MRAP2: variants seen among roughly 807,000 people sequenced by gnomAD.
MRAP2 encodes melanocortin-2 receptor accessory protein 2.
A neutral mutation model predicts 17.4 loss-of-function variants in MRAP2; 20 were observed. That is an observed-to-expected ratio of 1.15 (90% CI 0.81 to 1.67). The LOEUF is 1.67. Ranked by LOEUF, MRAP2 falls within the 40% of genes most tolerant of loss-of-function variation. The probability of loss-of-function intolerance (pLI) is 0.00; values close to 1 mark genes in which losing one functional copy is unlikely to be tolerated. For missense variants in MRAP2, 238 were observed against 240.0 expected (o/e 0.99, Z 0.05); for synonymous variants, 96 against 88.4 (o/e 1.09, Z -0.48).
In MRAP2 at chr6:84,062,809, AG is replaced by A. The variant is rs946574173; in HGVS notation, c.128-83del. ...CTTCCTTTCATGTTTCATGTACCAA[AG>A]CCTCTCCAAAAAGCTCTGATTCTTG... On this transcript the variant is annotated intron_variant, in intron 2 of 3. Transcript: ENST00000257776. 8.8e-6 allele frequency: 14 copies of A among 1,589,828 alleles called. No homozygotes were observed. The Admixed American group carries it at 2.3e-4, about 26-fold the overall frequency.
At chr6:84,111,631 C>T in the MRAP2 span, among the ~76,000 whole-genome samples, 1 of 152,168 alleles carries the variant, frequency 6.6e-6, no homozygotes, top group Non-Finnish European at 1.5e-5. Context: ...CCCAAACTTC[C>T]AATACTGTGT....
the MRAP2 span, among the ~76,000 whole-genome samples, chr6:84,104,453 T>C: frequency 1.3e-5 from 2 of 152,236 alleles, no homozygotes; most frequent in African/African-American, 2.4e-5. Context: ...GAAAATGGGA[T>C]TTTCTTTTCT....
the MRAP2 span, among the ~76,000 whole-genome samples, chr6:84,130,592 G>GT: frequency 6.6e-6 from 1 of 152,160 alleles, no homozygotes; most frequent in East Asian, 1.9e-4. Context: ...TTGGGAGGGT[G>GT]TATGTGTCCA....
the MRAP2 span, among the ~76,000 whole-genome samples, chr6:84,098,651 G>A: frequency 6.6e-6 from 1 of 152,022 alleles, no homozygotes; most frequent in South Asian, 2.1e-4. Context: ...CTTTTAAATT[G>A]TATTCATTCT....
chr6:84,114,767 G>T, the MRAP2 span, among the ~76,000 whole-genome samples: 1 of 152,132 alleles, frequency 6.6e-6, no homozygotes, highest in Non-Finnish European at 1.5e-5. Flanking sequence ...CTGCATGGAC[G>T]TCCTTTCTGT....
the MRAP2 span, among the ~76,000 whole-genome samples, chr6:84,114,468 AAC>A: frequency 1.3e-5 from 2 of 151,962 alleles, no homozygotes; most frequent in African/African-American, 4.8e-5. Context: ...TCTAGTTAGG[AAC>A]TCCTCTAACC....
At chr6:84,033,740 C>T, upstream of MRAP2, 2 of 985,478 alleles carry the variant, frequency 2.0e-6, no homozygotes, top group Non-Finnish European at 2.4e-6. Context: ...GTCGGGAGCG[C>T]GCGTCTCCGC....
At chr6:84,071,867 T>C (rs2099496276) in intron 3 of MRAP2, among the ~76,000 whole-genome samples, 1 of 152,174 alleles carries the variant, frequency 6.6e-6, no homozygotes, top group Admixed American at 6.5e-5. Flanking sequence ...TTCAATTCTA[T>C]TGCTCAGACT....
At chr6:84,138,759 C>T in the MRAP2 span, among the ~76,000 whole-genome samples, 1 of 152,194 alleles carries the variant, frequency 6.6e-6, no homozygotes, top group South Asian at 2.1e-4. Context: ...ATCTTGCAAA[C>T]AGGTACATAT....
intron 2 of MRAP2, among the ~76,000 whole-genome samples, chr6:84,060,381 C>A (rs2099492792): frequency 6.6e-6 from 1 of 152,152 alleles, no homozygotes; most frequent in Non-Finnish European, 1.5e-5. Flanking sequence ...GCACGCTTTC[C>A]TCCACCTCTG....
intron 2 of MRAP2, chr6:84,061,841 T>G: frequency 5.1e-6 from 5 of 985,442 alleles, no homozygotes; most frequent in Non-Finnish European, 6.0e-6. Flanking sequence ...AGACATTGTA[T>G]AAAGTGCTTT....
intron 1 of MRAP2, among the ~76,000 whole-genome samples, chr6:84,055,052 A>G (rs974429219): frequency 6.6e-6 from 1 of 152,146 alleles, no homozygotes; most frequent in Non-Finnish European, 1.5e-5. Context: ...GTTATGTGCC[A>G]GGCATTGGGT....
At chr6:84,079,704 T>C (rs1588656449) in intron 3 of MRAP2, among the ~76,000 whole-genome samples, 1 of 152,188 alleles carries the variant, frequency 6.6e-6, no homozygotes, top group East Asian at 1.9e-4. Flanking sequence ...GGAATACTCA[T>C]GTCATAGTAA....
downstream of MRAP2, among the ~76,000 whole-genome samples, chr6:84,093,606 T>G (rs570162511): frequency 2.0e-5 from 3 of 151,154 alleles, no homozygotes; most frequent in East Asian, 5.8e-4. Flanking sequence ...TCCCTGAGGG[T>G]AGTATGTGAG....
the MRAP2 span, among the ~76,000 whole-genome samples, chr6:84,123,234 C>A: frequency 7.1e-6 from 1 of 139,970 alleles, no homozygotes; most frequent in Non-Finnish European, 1.5e-5. Flanking sequence ...TCCTAAAATT[C>A]ATATTGAACG....
the MRAP2 span, among the ~76,000 whole-genome samples, chr6:84,135,861 C>CA: frequency 2.0e-5 from 3 of 152,166 alleles, no homozygotes; most frequent in South Asian, 4.2e-4. Context: ...AAGACTGTCT[C>CA]AAAAAAACAA....
the MRAP2 span, among the ~76,000 whole-genome samples, chr6:84,119,494 TAGG>T: frequency 6.6e-6 from 1 of 152,216 alleles, no homozygotes; most frequent in Non-Finnish European, 1.5e-5. Flanking sequence ...CTTGTGCCTC[TAGG>T]AGATCAGATT....
At chr6:84,039,256 G>A (rs1349895348) in intron 1 of MRAP2, among the ~76,000 whole-genome samples, 2 of 152,108 alleles carry the variant, frequency 1.3e-5, no homozygotes, top group Non-Finnish European at 2.9e-5. Context: ...CCTAAAAGTC[G>A]TGACTTGTTT....
In MRAP2 at chr6:84,050,672, C is replaced by T. The variant is rs114056373; in HGVS notation, c.-7-4640C>T. On this transcript the variant is annotated intron_variant, in intron 1 of 3. Coordinates refer to ENST00000257776, the MANE Select transcript of MRAP2 (RefSeq NM_138409.4). ...ACAAGGGTGACTTCTCTATGTTGTG[C>T]GGGGGACAGTCATTCCTGGAAGTAA... Among the ~76,000 whole-genome samples, 708 of 152,238 alleles carry T rather than the reference C, an allele frequency of 4.7e-3. 5 individuals carry two copies. The highest frequency in any genetic ancestry group is 0.016 in the African/African-American group (670 of 41,538).
Sources: allele counts gnomAD v4.1 joint callset (sites outside exome capture counted in the v4.1 genomes callset), GRCh38; gene constraint gnomAD v4.1.1; transcripts MANE v1.5; gene names NCBI Gene and HGNC (gene_info 2026-07-23, HGNC 2026-07-21).